The following KLB variants were observed in gnomAD, a reference collection of about 807,000 sequenced individuals.
The protein encoded by KLB is klotho beta, also known as beta-klotho.
A neutral mutation model predicts 88.4 loss-of-function variants in KLB; 44 were observed. That is an observed-to-expected ratio of 0.50 (90% confidence interval 0.39 to 0.64). KLB has a LOEUF of 0.64. Ranked by LOEUF, KLB falls within the 30% of genes least tolerant of loss-of-function variation. The pLI is 0.00. For synonymous variants in KLB, 548 were observed against 513.4 expected, an observed-to-expected ratio of 1.07 and a Z score of -0.91; for missense variants, 1,137 against 1,304.8, an observed-to-expected ratio of 0.87 and a Z score of 1.98.
intron 3 of KLB, among the ~76,000 whole-genome samples, chr4:39,440,492 A>G (rs1350044287): frequency 2.6e-5 from 4 of 152,142 alleles, no homozygotes; most frequent in African/African-American, 9.7e-5. Flanking sequence ...CAAGATGTAC[A>G]AGGATTGAGA....
rs1743774861 is a variant in KLB, at chr4:39,447,258, C to G, written c.2532C>G (p.Asp844Glu). 1.9e-6 allele frequency: 3 copies of G among 1,613,996 alleles called. No homozygotes were observed. The highest frequency in any genetic ancestry group is 1.1e-5 in the South Asian group (1 of 91,092). ...EQLAGSRYDS[D>E]RDIQFLQDIT... is the part of the protein sequence containing the mutation. Reference sequence around the variant, plus strand: ...TGGCCGGCAGCCGCTACGACTCGGACAGGGACATCCAGTTTCTGCAGGACA... The same window carrying G: ...TGGCCGGCAGCCGCTACGACTCGGAGAGGGACATCCAGTTTCTGCAGGACA... The change falls in exon 4 of 5, where the codon GAC (aspartate) becomes GAG (glutamate). Residue 844 changes from aspartate to glutamate, a missense_variant. Around this residue, in one of 4 missense-constraint regions of KLB, gnomAD observed 426 missense variants for 404.6 expected, o/e 1.05. Coordinates refer to ENST00000257408, the MANE Select transcript of KLB (RefSeq NM_175737.4).
At chr4:39,435,784 TA>T (rs951148779) in intron 2 of KLB, among the ~76,000 whole-genome samples, 2 of 152,196 alleles carry the variant, frequency 1.3e-5, no homozygotes, top group African/African-American at 2.4e-5. Context: ...CTTTTTAAAA[TA>T]AAAGTTTGAG....
At chr4:39,433,658 C>T (rs1743409257) in intron 1 of KLB, among the ~76,000 whole-genome samples, 1 of 151,988 alleles carries the variant, frequency 6.6e-6, no homozygotes, top group African/African-American at 2.4e-5. Context: ...TCAGGAGTTC[C>T]AGACCAGCCT....
chr4:39,428,547 T>C (rs982089722), intron 1 of KLB, among the ~76,000 whole-genome samples: 7 of 151,886 alleles, frequency 4.6e-5, no homozygotes, highest in South Asian at 2.1e-4. Flanking sequence ...GAAACATTTA[T>C]GACAGGAAAA....
At chr4:39,426,833 A>G (rs1365199747) in intron 1 of KLB, among the ~76,000 whole-genome samples, 1 of 152,062 alleles carries the variant, frequency 6.6e-6, no homozygotes, top group Non-Finnish European at 1.5e-5. Context: ...GACTACAGGC[A>G]TGCCACCATG....
rs987503313 is a variant in KLB at position 39,450,141 on chromosome 4, T to C, written c.*1455T>C. ...AATTACTAGATCTGACTTGGATAAT[T>C]TGACACTTTGGGAAATGAACTCTGT... On this transcript the variant is annotated 3_prime_UTR_variant, in exon 5 of 5. Coordinates refer to ENST00000257408, the MANE Select transcript of KLB (RefSeq NM_175737.4). The C allele has an allele frequency of 6.6e-6, 1 of 152,190 alleles. No homozygotes were observed. The highest frequency in any genetic ancestry group is 1.5e-5 in the Non-Finnish European group (1 of 68,034). The allele number at this position is 152,190 out of a possible 1,614,324, so 9.4% of individuals were successfully genotyped here.
chr4:39,433,455 C>A (rs1743404897), intron 1 of KLB, among the ~76,000 whole-genome samples: 1 of 152,184 alleles, frequency 6.6e-6, no homozygotes, highest in South Asian at 2.1e-4. Context: ...TCAATTCTCA[C>A]AACATCCCTA....
At chr4:39,424,735 G>A (rs538946148) in intron 1 of KLB, among the ~76,000 whole-genome samples, 1 of 136,652 alleles carries the variant, frequency 7.3e-6, no homozygotes, top group Non-Finnish European at 1.5e-5. Flanking sequence ...GGGTTCAAGC[G>A]ATTCTGTTTC....
intron 1 of KLB, among the ~76,000 whole-genome samples, chr4:39,414,731 C>T (rs966386386): frequency 4.0e-5 from 6 of 150,834 alleles, no homozygotes; most frequent in Non-Finnish European, 7.4e-5. Flanking sequence ...TAGCCAGGCG[C>T]GATGGTGGGT....
At chr4:39,436,506 T>C (rs1223958785) in intron 2 of KLB, among the ~76,000 whole-genome samples, 1 of 152,210 alleles carries the variant, frequency 6.6e-6, no homozygotes, top group African/African-American at 2.4e-5. Flanking sequence ...AACCAGAGCC[T>C]GTTAAACATA....
intron 1 of KLB, among the ~76,000 whole-genome samples, chr4:39,414,753 C>T (rs1214552715): frequency 6.6e-6 from 1 of 150,594 alleles, no homozygotes; most frequent in South Asian, 2.1e-4. Flanking sequence ...CCTGTAATCC[C>T]AGCTACTCGG....
intron 1 of KLB, among the ~76,000 whole-genome samples, chr4:39,409,449 G>A (rs1469693310): frequency 6.6e-6 from 1 of 151,174 alleles, no homozygotes; most frequent in African/African-American, 2.4e-5. Flanking sequence ...CATGCCACCA[G>A]CCCAGTTAAT....
In KLB at chr4:39,448,288, T is replaced by G; in HGVS notation, c.2750-13T>G. On this transcript the variant is annotated splice_polypyrimidine_tract_variant and intron_variant, in intron 4 of 4. Coordinates refer to ENST00000257408, the MANE Select transcript of KLB (RefSeq NM_175737.4). Reference sequence around the variant, plus strand: ...TCCATTTGTGATTAATGTTAATTTCTTATCTTTTTCAGCATACCTGATTGA... The same window carrying G: ...TCCATTTGTGATTAATGTTAATTTCGTATCTTTTTCAGCATACCTGATTGA... The G allele has an allele frequency of 6.5e-7, 1 of 1,538,170 alleles. No homozygotes were observed. The highest frequency in any genetic ancestry group is 8.8e-7 in the Non-Finnish European group (1 of 1,139,274).
At chr4:39,414,740 G>A (rs926198607) in intron 1 of KLB, among the ~76,000 whole-genome samples, 1 of 151,094 alleles carries the variant, frequency 6.6e-6, no homozygotes, top group Non-Finnish European at 1.5e-5. Context: ...GCGATGGTGG[G>A]TGCCTGTAAT....
At chr4:39,414,872 A>G (rs1358229907) in intron 1 of KLB, among the ~76,000 whole-genome samples, 48 of 132,430 alleles carry the variant, frequency 3.6e-4, no homozygotes, top group Admixed American at 9.8e-4. Context: ...CTGTCTCAGG[A>G]AAAAAAAAAA....
In KLB at chr4:39,414,588, C is replaced by T. The variant is rs370306797; in HGVS notation, c.825+6814C>T. ...TTTTCCTTTTTTAAAAAGCAAAATT[C>T]GGCCAGGTGTGGTGGCTCACACCTG... On this transcript the variant is annotated intron_variant, in intron 1 of 4. Coordinates refer to ENST00000257408, the MANE Select transcript of KLB (RefSeq NM_175737.4). 1.5e-3 allele frequency among the ~76,000 whole-genome samples: 229 copies of T among 151,914 alleles called. 8 individuals carry two copies. The South Asian group carries it at 0.042, about 28-fold the overall frequency.
rs899391214 is a variant in KLB at position 39,450,326 on chromosome 4, A to G, written c.*1640A>G. On this transcript the variant is annotated 3_prime_UTR_variant, in exon 5 of 5. Transcript: ENST00000257408. ...CAGCAATTTAGACCTTAACAGTCAC[A>G]AGAGACGTTCTTCTGTTACAAAGCC... 2 of 152,244 alleles carry G rather than the reference A, an allele frequency of 1.3e-5. No homozygotes were observed. Among genetic ancestry groups the G allele is most frequent in the African/African-American group, 2.4e-5 (1 of 41,480 alleles). 9.4% of individuals were successfully genotyped at this position (152,244 alleles called of 1,614,324 possible). A position where few individuals can be genotyped will look rare whatever the true frequency, so the allele number is the denominator to read the frequency against.
At position 39,437,617 on chromosome 4, in the gene KLB, G is replaced by C. The variant is rs7654415; in HGVS notation, c.1337-110G>C. 865 of 1,270,300 alleles carry C rather than the reference G, an allele frequency of 6.8e-4. 3 individuals carry two copies. In the African/African-American group the frequency reaches 0.011, roughly 17 times the overall value. The allele number at this position is 1,270,300 out of a possible 1,614,324, so 78.7% of individuals were successfully genotyped here. A position where few individuals can be genotyped will look rare whatever the true frequency, so the allele number is the denominator to read the frequency against. On this transcript the variant is annotated intron_variant, in intron 2 of 4. Transcript: ENST00000257408. ...TTGATACAGCAGACCTGAAAATTAG[G>C]GCAAAGGTTCGTTTTACAATATGCT...
Position 39,448,499 on chromosome 4 carries a change from CAG to C in KLB, c.2951_2952del (p.Glu984ValfsTer60), listed in dbSNP as rs772417235. 6.2e-7 allele frequency: 1 copy of C among 1,614,120 alleles called. No individual in the cohort carries two copies. ...AGATGCAGTCAGACCCAAGAAAATA[CAG>C]AGTGCACTGTCTGCTTATTCCTTGT... is the stretch of plus-strand genomic sequence containing the variant. On this transcript the variant is annotated frameshift_variant, in exon 5 of 5. Coordinates refer to ENST00000257408, the MANE Select transcript of KLB (RefSeq NM_175737.4). LOFTEE classifies it high-confidence loss of function.
Sources: gnomAD v4.1 joint callset for allele counts (sites outside exome capture counted in the v4.1 genomes callset) on GRCh38, gnomAD v4.1.1 for gene constraint, gnomAD v4.1.1 regional missense constraint, MANE v1.5 for transcripts, NCBI Gene and HGNC (gene_info 2026-07-23, HGNC 2026-07-21) for gene names.